CREB5: variants seen among roughly 807,000 people sequenced by gnomAD.
CREB5 encodes the protein cyclic AMP-responsive element-binding protein 5.
In CREB5, 19 loss-of-function variants were observed where a neutral mutation model predicts 57.1. That is an observed-to-expected ratio of 0.33 (90% CI 0.23 to 0.49). The LOEUF is 0.49. Among genes scored for constraint, CREB5 ranks in the 20% least tolerant of loss-of-function variants. The pLI is 0.99. For synonymous variants in CREB5, 238 were observed against 238.3 expected (o/e 1.00, Z 0.01); for missense variants, 579 against 671.6 (o/e 0.86, Z 1.52).
At chr7:28,720,754 A>C (rs938694258) in intron 6 of CREB5, among the ~76,000 whole-genome samples, 1 of 152,170 alleles carries the variant, frequency 6.6e-6, no homozygotes, top group Non-Finnish European at 1.5e-5. Context: ...CATTTTATTC[A>C]ACCCAACCAA....
chr7:28,385,060 G>A (rs545734834), intron 1 of CREB5, among the ~76,000 whole-genome samples: 9 of 152,018 alleles, frequency 5.9e-5, no homozygotes, highest in East Asian at 1.9e-4. Flanking sequence ...CATTTATTAC[G>A]TGCATCTGTA....
At position 28,385,001 on chromosome 7, in the gene CREB5, TA is replaced by T. The variant is rs546046831; in HGVS notation, c.-25+85569del. 1.9e-3 allele frequency among the ~76,000 whole-genome samples: 285 copies of T among 151,836 alleles called. 3 individuals carry two copies. Among genetic ancestry groups the T allele is most frequent in the Non-Finnish European group, 1.9e-3 (129 of 67,900 alleles). On this transcript the variant is annotated intron_variant, in intron 1 of 9. Coordinates refer to the CREB5 transcript ENST00000396299. ...GTGTTTATATAATTAGTTCTCTCTT[TA>T]AAAAAAAATCCAAGTATTAACATTA...
chr7:28,564,292 A>T (rs1795397548), intron 4 of CREB5, among the ~76,000 whole-genome samples: 1 of 152,232 alleles, frequency 6.6e-6, no homozygotes, highest in Admixed American at 6.5e-5. Context: ...GATGGAATAT[A>T]GATTTGCAGA....
chr7:28,692,902 A>G (rs917265064), intron 5 of CREB5, among the ~76,000 whole-genome samples: 3 of 152,218 alleles, frequency 2.0e-5, no homozygotes, highest in Non-Finnish European at 4.4e-5. Context: ...AATCCACTCC[A>G]TAGTACGCAA....
chr7:28,475,787 G>A (rs534299614), intron 1 of CREB5, among the ~76,000 whole-genome samples: 12 of 152,204 alleles, frequency 7.9e-5, no homozygotes, highest in Admixed American at 3.9e-4. Flanking sequence ...ATATGGGGAC[G>A]TGGCCTTGCC....
intron 1 of CREB5, among the ~76,000 whole-genome samples, chr7:28,436,819 T>C (rs764674584): frequency 1.3e-5 from 2 of 152,122 alleles, no homozygotes; most frequent in Non-Finnish European, 1.5e-5. Context: ...CACCATTTGA[T>C]TGTGAGATTT....
At chr7:28,333,812 T>A (rs536576736) in intron 1 of CREB5, among the ~76,000 whole-genome samples, 3 of 152,328 alleles carry the variant, frequency 2.0e-5, no homozygotes, top group South Asian at 2.1e-4. Flanking sequence ...AACACTTAGG[T>A]TGCTCCCAAA....
intron 4 of CREB5, among the ~76,000 whole-genome samples, chr7:28,543,000 G>T (rs984087791): frequency 5.3e-5 from 8 of 151,856 alleles, no homozygotes; most frequent in African/African-American, 1.9e-4. Flanking sequence ...CATCATAATT[G>T]CCCTGATCAT....
chr7:28,622,904 G>T (rs776802643), intron 5 of CREB5, among the ~76,000 whole-genome samples: 10 of 152,000 alleles, frequency 6.6e-5, no homozygotes, highest in Non-Finnish European at 1.2e-4. Context: ...CCTTCTTCTG[G>T]TTTTTTTCTT....
rs549675289 is a variant in CREB5 at position 28,501,799 on chromosome 7, G to A, written c.170-5817G>A. On this transcript the variant is annotated intron_variant, in intron 3 of 10. Transcript: ENST00000357727. ...CACTTGGGGTAGCTCATGGTTGATC[G>A]TGAGTAGGTGTGGAATATATAATTG... Among the ~76,000 whole-genome samples the A allele has an allele frequency of 1.2e-4, 18 of 152,286 alleles. No homozygotes were observed. In the East Asian group the frequency reaches 2.5e-3, roughly 21 times the overall value.
chr7:28,507,333 T>C (rs1380965672), intron 3 of CREB5, among the ~76,000 whole-genome samples: 2 of 152,222 alleles, frequency 1.3e-5, no homozygotes, highest in Non-Finnish European at 2.9e-5. Flanking sequence ...ATTCAAATGG[T>C]ACAGACTTCA....
chr7:28,343,874 G>A (rs945010067), intron 1 of CREB5, among the ~76,000 whole-genome samples: 1 of 152,090 alleles, frequency 6.6e-6, no homozygotes, highest in Admixed American at 6.6e-5. Context: ...GTTATCTTTT[G>A]TATTTTTTAT....
chr7:28,796,184 G>A lies in CREB5; in HGVS notation c.703-8015G>A, dbSNP rs139581796. Among the ~76,000 whole-genome samples the A allele has an allele frequency of 1.1e-3, 169 of 152,220 alleles. 4 individuals are homozygous for A. The East Asian group carries it at 0.028, about 25-fold the overall frequency. On this transcript the variant is annotated intron_variant, in intron 7 of 10. Coordinates refer to ENST00000357727, the MANE Select transcript of CREB5 (RefSeq NM_182898.4). Reference sequence around the variant, plus strand: ...GGAAACCCTGGAACCATTAAGCAGTGACTTAATCCTCCCCTCAGCCTCCAG... The same window carrying A: ...GGAAACCCTGGAACCATTAAGCAGTAACTTAATCCTCCCCTCAGCCTCCAG...
intron 1 of CREB5, among the ~76,000 whole-genome samples, chr7:28,312,576 A>T (rs551724192): frequency 1.3e-5 from 2 of 152,144 alleles, no homozygotes; most frequent in Admixed American, 1.3e-4. Context: ...GGCTCTGTGA[A>T]CTTGGACAAG....
At chr7:28,425,265 TA>T (rs571489295) in intron 1 of CREB5, among the ~76,000 whole-genome samples, 53 of 147,768 alleles carry the variant, frequency 3.6e-4, no homozygotes, top group Non-Finnish European at 6.0e-4. Context: ...TACTTGGTTG[TA>T]AAAAAAAAAC....
chr7:28,400,066 T>TACACAC (rs3041008), intron 1 of CREB5, among the ~76,000 whole-genome samples: 185 of 150,380 alleles, frequency 1.2e-3, no homozygotes, highest in Middle Eastern at 6.9e-3. Context: ...CTGAAACAGA[T>TACACAC]ACACACACAC....
At chr7:28,384,277 G>A (rs1787032438) in intron 1 of CREB5, among the ~76,000 whole-genome samples, 1 of 152,150 alleles carries the variant, frequency 6.6e-6, no homozygotes, top group African/African-American at 2.4e-5. Flanking sequence ...GAGAGCGAGT[G>A]CATGATATCA....
At chr7:28,670,521 A>G (rs994478831) in intron 5 of CREB5, among the ~76,000 whole-genome samples, 1 of 152,252 alleles carries the variant, frequency 6.6e-6, no homozygotes, top group African/African-American at 2.4e-5. Flanking sequence ...TTCTGTAGTC[A>G]TTAATGCAGA....
chr7:28,406,265 A>T (rs2066782885), intron 1 of CREB5, among the ~76,000 whole-genome samples: 1 of 152,176 alleles, frequency 6.6e-6, no homozygotes, highest in African/African-American at 2.4e-5. Context: ...GAGTTGGTAA[A>T]TACCTAGTGC....
Sources: allele counts gnomAD v4.1 joint callset (sites outside exome capture counted in the v4.1 genomes callset), GRCh38; gene constraint gnomAD v4.1.1; transcripts MANE v1.5; gene names NCBI Gene and HGNC (gene_info 2026-07-23, HGNC 2026-07-21).